The following PUS3 variants were observed in gnomAD, a reference collection of about 807,000 sequenced individuals.
The protein encoded by PUS3 is tRNA pseudouridine(38/39) synthase.
PUS3 carries 36 observed loss-of-function variants against 43.3 expected under a neutral mutation model. The ratio of observed to expected loss-of-function variants is 0.83; its 90% confidence interval spans 0.64 to 1.10. PUS3 has a LOEUF of 1.10. PUS3 is among the 50% of genes least tolerant of loss of function. The pLI is 0.00. For synonymous variants in PUS3, 183 were observed against 199.2 expected (o/e 0.92, Z 0.69); for missense variants, 544 against 589.9 (o/e 0.92, Z 0.81).
At position 125,895,585 on chromosome 11, in the gene PUS3, A is replaced by G. The variant is rs775961025; in HGVS notation, c.583T>C (p.Tyr195His). Residue 195 changes from tyrosine to histidine, a missense_variant, in exon 3 of 4, where the codon TAC becomes CAC. Tyr to His is a moderately conservative substitution (Grantham distance 83). Transcript: ENST00000227474. ...TCAGCACGAGGGAAAAAATAGCGGTAAGTCCGCTCAAGGCAGCTGAACCTA... is the reference window on the plus strand; with the variant it reads ...TCAGCACGAGGGAAAAAATAGCGGTGAGTCCGCTCAAGGCAGCTGAACCTA... The part of the protein sequence containing the change: ...SARFSCLERT[Y>H]RYFFPRADLD... The G allele has an allele frequency of 6.2e-7, 1 of 1,614,232 alleles. No individual in the cohort carries two copies. The highest frequency in any genetic ancestry group is 1.1e-5 in the South Asian group (1 of 91,088).
In PUS3 at chr11:125,897,154, G is replaced by A. The variant is rs887439199; in HGVS notation, c.-46-824C>T. Among the ~76,000 whole-genome samples, 8 of 152,220 alleles carry A rather than the reference G, an allele frequency of 5.3e-5. No homozygotes were observed. In the East Asian group the frequency reaches 1.5e-3, roughly 29 times the overall value. ...CAATCTGTGACTGATGGTTACTTTA[G>A]TTAGAGAAGACCATCTCCACATCTG... On this transcript the variant is annotated intron_variant, in intron 1 of 3. Coordinates refer to ENST00000227474, the MANE Select transcript of PUS3 (RefSeq NM_031307.4).
chr11:125,898,717 G>A lies in PUS3; in HGVS notation c.-46-2387C>T, dbSNP rs543416116. Among the ~76,000 whole-genome samples the A allele has an allele frequency of 4.0e-5, 6 of 151,454 alleles. No homozygotes were observed. In the South Asian group the frequency reaches 6.2e-4, roughly 16 times the overall value. On this transcript the variant is annotated intron_variant, in intron 1 of 3. Coordinates refer to ENST00000227474, the MANE Select transcript of PUS3 (RefSeq NM_031307.4). Reference sequence around the variant, plus strand: ...AAGCATAGAAATTATATGTATGCACGTATATACACATTATATGTGTGTGAG... The same window carrying A: ...AAGCATAGAAATTATATGTATGCACATATATACACATTATATGTGTGTGAG...
At position 125,893,676 on chromosome 11, in the gene PUS3, TA is replaced by T; in HGVS notation, c.*108del. On this transcript the variant is annotated 3_prime_UTR_variant, in exon 4 of 4. Transcript: ENST00000227474. ...AGTCTTTTTGCTTTTTTTTTTCTTT[TA>T]AGAGCTGATCATCTGAATTCCTAGT... 2 of 779,992 alleles carry T rather than the reference TA, an allele frequency of 2.6e-6. No individual in the cohort carries two copies. The highest frequency in any genetic ancestry group is 3.2e-5 in the South Asian group (1 of 31,628). 48.3% of individuals were successfully genotyped at this position (779,992 alleles called of 1,614,324 possible).
Position 125,902,752 on chromosome 11 carries a change from A to G in PUS3, c.-47+418T>C, listed in dbSNP as rs559549645. Among the ~76,000 whole-genome samples the G allele has an allele frequency of 2.0e-5, 3 of 152,216 alleles. 1 individual carries two copies. The highest frequency in any genetic ancestry group is 7.2e-5 in the African/African-American group (3 of 41,492). On this transcript the variant is annotated intron_variant, in intron 1 of 3. Coordinates refer to ENST00000227474, the MANE Select transcript of PUS3 (RefSeq NM_031307.4). The stretch of plus-strand genomic sequence containing the variant: ...CACGCACTATGATCACTAGAAAGCA[A>G]TCGTGGTCTGTATGTAAGGCAATCC...
At chr11:125,899,313 T>A in intron 1 of PUS3, 1 of 1,508,580 alleles carries the variant, frequency 6.6e-7, no homozygotes, top group Non-Finnish European at 9.1e-7. Context: ...GAATTTATTA[T>A]CAGAAAACTG....
Position 125,893,914 on chromosome 11 carries a change from T to C in PUS3, c.1317A>G (p.Pro439=). The C allele has an allele frequency of 6.2e-7, 1 of 1,614,180 alleles. No individual in the cohort carries two copies. The highest frequency in any genetic ancestry group is 8.5e-7 in the Non-Finnish European group (1 of 1,180,028). ...HFVRRGRIEH[P]HLFHEEETKA... ...TTGTTTCTTCCTCATGGAATAAATGTGGGTGCTCAATTCGTCCCCTACGTA... is the reference window on the plus strand; with the variant it reads ...TTGTTTCTTCCTCATGGAATAAATGCGGGTGCTCAATTCGTCCCCTACGTA... The change falls in exon 4 of 4, where the codon CCA becomes CCG. Residue 439 remains proline (P), a synonymous_variant. Transcript: ENST00000227474.
rs1944822321 is a variant in PUS3 at position 125,903,163 on chromosome 11, C to T, written c.-47+7G>A. 5 of 985,358 alleles carry T rather than the reference C, an allele frequency of 5.1e-6. No homozygotes were observed. Among genetic ancestry groups the T allele is most frequent in the Non-Finnish European group, 6.0e-6 (5 of 829,796 alleles). The allele number at this position is 985,358 out of a possible 1,614,324, so 61.0% of individuals were successfully genotyped here. A position where few individuals can be genotyped will look rare whatever the true frequency, so the allele number is the denominator to read the frequency against. On this transcript the variant is annotated splice_region_variant and intron_variant, in intron 1 of 3. Transcript: ENST00000227474. ...AAAGTAACCCACTCCAAAAATCCCA[C>T]ACTTACTTTCCGGCAGCCGGCCGCG...
chr11:125,897,068 G>A (rs1944611891), intron 1 of PUS3, among the ~76,000 whole-genome samples: 1 of 152,148 alleles, frequency 6.6e-6, no homozygotes, highest in Admixed American at 6.5e-5. Context: ...AGAAATTCCT[G>A]TAATATTTCA....
rs780995458 is a variant in PUS3, at chr11:125,896,142, G to C, written c.143C>G (p.Ala48Gly). 1.2e-6 allele frequency: 2 copies of C among 1,614,168 alleles called. No individual in the cohort carries two copies. The highest frequency in any genetic ancestry group is 1.7e-6 in the Non-Finnish European group (2 of 1,180,014). The part of the protein sequence containing the change: ...DSNIRENSAG[A>G]GKTKRAFDFS... ...ATCAAATGCACGCTTAGTTTTTCCA[G>C]CTCCTGCTGAATTTTCTCTAATGTT... is the stretch of plus-strand genomic sequence containing the variant. Residue 48 changes from alanine to glycine, a missense_variant, in exon 2 of 4, where the codon GCT becomes GGT. By Grantham distance (60) the Ala-to-Gly change is moderately conservative. Transcript: ENST00000227474.
In PUS3 at chr11:125,895,925, T is replaced by C; in HGVS notation, c.360A>G (p.Gly120=). Reference sequence around the variant, plus strand: ...CCCTTACCTGTCCAAAGGCACTAACTCCTTTATCTGTTCTCCCACATCGGT... The same window carrying C: ...CCCTTACCTGTCCAAAGGCACTAACCCCTTTATCTGTTCTCCCACATCGGT... ...NYHRCGRTDK[G]VSAFGQVISL... Residue 120 remains glycine (G), a synonymous_variant, in exon 2 of 4, where the codon GGA becomes GGG. Transcript: ENST00000227474. 6.2e-7 allele frequency: 1 copy of C among 1,613,328 alleles called. No homozygotes were observed. Among genetic ancestry groups the C allele is most frequent in the Non-Finnish European group, 8.5e-7 (1 of 1,180,000 alleles).
At position 125,900,571 on chromosome 11, in the gene PUS3, G is replaced by A. The variant is rs372968287; in HGVS notation, c.-47+2599C>T. The A allele has an allele frequency of 2.1e-5, 8 of 383,146 alleles. No homozygotes were observed. In the East Asian group the frequency reaches 4.6e-4, roughly 22 times the overall value. The allele number at this position is 383,146 out of a possible 1,614,324, so 23.7% of individuals were successfully genotyped here. On this transcript the variant is annotated intron_variant, in intron 1 of 3. Transcript: ENST00000227474. Reference sequence around the variant, plus strand: ...TGTAACTTTTTTTACCTATCAATATGAGTTGCTGTGCTTCAGTGTGTGTTT... The same window carrying A: ...TGTAACTTTTTTTACCTATCAATATAAGTTGCTGTGCTTCAGTGTGTGTTT...
In PUS3 at chr11:125,899,360, G is replaced by T. The variant is rs770219603; in HGVS notation, c.-46-3030C>A. ...CTCTTGCAGAAGGTCCTACAGTGTA[G>T]GGGAAGCAATGGAAGAACTTCTACC... On this transcript the variant is annotated intron_variant, in intron 1 of 3. Transcript: ENST00000227474. The T allele has an allele frequency of 4.3e-6, 7 of 1,613,714 alleles. No homozygotes were observed. The Admixed American group carries it at 5.0e-5, about 12-fold the overall frequency.
chr11:125,895,790 C>A lies in PUS3; in HGVS notation c.379-1G>T. The stretch of plus-strand genomic sequence containing the variant: ...GAGAGCGAAGGTCAAGTGAGATCAC[C>A]TGTGGAGTTAGACAAAGATACTGGG... On this transcript the variant is annotated splice_acceptor_variant, in intron 2 of 3. Transcript: ENST00000227474. LOFTEE classifies it high-confidence loss of function. 2 of 1,592,568 alleles carry A rather than the reference C, an allele frequency of 1.3e-6. No individual in the cohort carries two copies. Among genetic ancestry groups the A allele is most frequent in the Non-Finnish European group, 1.7e-6 (2 of 1,173,010 alleles).
At chr11:125,897,582 C>CA (rs1565455245) in intron 1 of PUS3, among the ~76,000 whole-genome samples, 2 of 146,878 alleles carry the variant, frequency 1.4e-5, no homozygotes, top group African/African-American at 5.0e-5. Flanking sequence ...GCATTTCAAA[C>CA]AAAAAGAAAA....
Position 125,896,340 on chromosome 11 carries a change from G to A in PUS3, c.-46-10C>T. The A allele has an allele frequency of 6.7e-7, 1 of 1,486,902 alleles. No homozygotes were observed. The highest frequency in any genetic ancestry group is 9.2e-7 in the Non-Finnish European group (1 of 1,091,374). 92.1% of individuals were successfully genotyped at this position (1,486,902 alleles called of 1,614,324 possible). Reference sequence around the variant, plus strand: ...TACAGGTCTGCCCTGTCTGAAAAGAGAGCAAAGGGATACAACAGTTTCAAT... The same window carrying A: ...TACAGGTCTGCCCTGTCTGAAAAGAAAGCAAAGGGATACAACAGTTTCAAT... On this transcript the variant is annotated splice_polypyrimidine_tract_variant and intron_variant, in intron 1 of 3. Transcript: ENST00000227474.
chr11:125,895,525 T>C lies in PUS3; in HGVS notation c.643A>G (p.Lys215Glu). Residue 215 changes from lysine (K) to glutamate (E), a missense_variant, in exon 3 of 4, where the codon AAG (lysine) becomes GAG (glutamate). Physicochemically the swap from Lys to Glu is moderately conservative, Grantham distance 56 (BLOSUM62 1). Transcript: ENST00000227474. ...CTGAAATCATGGGTGCCAACATACT[T>C]CTGAGCTGCATAATCCATGGTTACA... ...DIVTMDYAAQ[K>E]YVGTHDFRNL... 6.2e-7 allele frequency: 1 copy of C among 1,614,146 alleles called. No homozygotes were observed. The highest frequency in any genetic ancestry group is 8.5e-7 in the Non-Finnish European group (1 of 1,180,044).
intron 1 of PUS3, among the ~76,000 whole-genome samples, chr11:125,898,541 G>A (rs1944660977): frequency 6.6e-6 from 1 of 152,040 alleles, no homozygotes; most frequent in Admixed American, 6.6e-5. Context: ...CAGGCGTGGT[G>A]GCCCACACCT....
At position 125,899,811 on chromosome 11, in the gene PUS3, T is replaced by C. The variant is rs931949237; in HGVS notation, c.-47+3359A>G. ...TTCCAGGAAGACAAGGAATCTTCAT[T>C]TGATGTTTCACAAAAATTTAACCTA... On this transcript the variant is annotated intron_variant, in intron 1 of 3. Coordinates refer to ENST00000227474, the MANE Select transcript of PUS3 (RefSeq NM_031307.4). 5 of 1,614,046 alleles carry C rather than the reference T, an allele frequency of 3.1e-6. No individual in the cohort carries two copies. The African/African-American group carries it at 4.0e-5, about 13-fold the overall frequency.
chr11:125,894,792 T>G (rs527441871), intron 3 of PUS3, among the ~76,000 whole-genome samples: 2 of 152,354 alleles, frequency 1.3e-5, no homozygotes, highest in African/African-American at 4.8e-5. Context: ...ATTTTAATTT[T>G]ACCACATCCT....
Sources: gnomAD v4.1 joint callset for allele counts (sites outside exome capture counted in the v4.1 genomes callset) on GRCh38, gnomAD v4.1.1 for gene constraint, MANE v1.5 for transcripts, NCBI Gene and HGNC (gene_info 2026-07-23, HGNC 2026-07-21) for gene names.